ROR2: variants seen among roughly 807,000 people sequenced by gnomAD.
The protein encoded by ROR2 is tyrosine-protein kinase transmembrane receptor ROR2.
Under a neutral mutation model 74.9 loss-of-function variants are expected in ROR2, and 33 were observed. The observed-to-expected ratio is 0.44, with a 90% confidence interval of 0.33 to 0.59. ROR2 has a LOEUF of 0.59. ROR2 is among the 20% of genes least tolerant of loss of function. The pLI, the probability that ROR2 is intolerant of heterozygous loss-of-function variation, is 0.02. For synonymous variants in ROR2, 586 were observed against 558.7 expected (o/e 1.05, Z -0.69); for missense variants, 1,216 against 1,313.8 (o/e 0.93, Z 1.15).
At chr9:91,787,176 T>C (rs1826832245) in intron 1 of ROR2, among the ~76,000 whole-genome samples, 1 of 152,152 alleles carries the variant, frequency 6.6e-6, no homozygotes, top group South Asian at 2.1e-4. Flanking sequence ...TTATATACAA[T>C]TATACTGGCT....
Position 91,724,113 on chromosome 9 carries a change from G to T in ROR2, c.2381C>A (p.Pro794Gln). The T allele has an allele frequency of 6.2e-7, 1 of 1,610,782 alleles. No individual in the cohort carries two copies. ...GATGAACTGGGGCTGTGGGAAGGGC[G>T]GGGCCTTCTGCTTGGGCCCCACGTA... is the stretch of plus-strand genomic sequence containing the variant. ...ARYVGPKQKAPPFPQPQFIPM... is the reference protein window; with the variant it reads ...ARYVGPKQKAQPFPQPQFIPM... Residue 794 changes from proline (P) to glutamine (Q), a missense_variant, in exon 9 of 9, where the codon CCG (proline) becomes CAG (glutamine). Pro to Gln is a moderately conservative substitution (Grantham distance 76). Transcript: ENST00000375708.
chr9:91,759,175 G>A (rs80189775), intron 2 of ROR2, among the ~76,000 whole-genome samples: 2 of 152,136 alleles, frequency 1.3e-5, no homozygotes, highest in Admixed American at 1.3e-4. Context: ...AGTGTTGTAG[G>A]ATCCTCCAGC....
intron 4 of ROR2, among the ~76,000 whole-genome samples, chr9:91,749,313 C>A (rs1025552853): frequency 6.6e-6 from 1 of 152,192 alleles, no homozygotes; most frequent in Non-Finnish European, 1.5e-5. Flanking sequence ...ACTCTGGAGG[C>A]TGGAAGTCCA....
chr9:91,872,240 T>C (rs1829818230), intron 1 of ROR2, among the ~76,000 whole-genome samples: 1 of 152,200 alleles, frequency 6.6e-6, no homozygotes, highest in Non-Finnish European at 1.5e-5. Flanking sequence ...TAACCTGAGT[T>C]TATGTCAAAA....
chr9:91,842,829 C>A (rs1828823812), intron 1 of ROR2, among the ~76,000 whole-genome samples: 1 of 152,206 alleles, frequency 6.6e-6, no homozygotes, highest in Non-Finnish European at 1.5e-5. Flanking sequence ...ACAGGTGCCA[C>A]CTAATTCTCT....
At chr9:91,818,596 G>A (rs1034286463) in intron 1 of ROR2, among the ~76,000 whole-genome samples, 11 of 152,140 alleles carry the variant, frequency 7.2e-5, no homozygotes, top group African/African-American at 9.7e-5. Flanking sequence ...TGAGGTGGCC[G>A]AGAGGAAGCA....
intron 1 of ROR2, among the ~76,000 whole-genome samples, chr9:91,840,911 T>C (rs1394216723): frequency 1.3e-5 from 2 of 152,248 alleles, no homozygotes; most frequent in Non-Finnish European, 2.9e-5. Context: ...ATCCTATACA[T>C]GTGAGACCAT....
At chr9:91,892,022 T>C in intron 1 of ROR2, among the ~76,000 whole-genome samples, 1 of 134,722 alleles carries the variant, frequency 7.4e-6, no homozygotes, top group South Asian at 2.4e-4. Flanking sequence ...CACTCCAGGC[T>C]GGGCAACAGA....
chr9:91,737,375 G>T lies in ROR2; in HGVS notation c.622+16C>A. On this transcript the variant is annotated intron_variant, in intron 5 of 8. Coordinates refer to ENST00000375708, the MANE Select transcript of ROR2 (RefSeq NM_004560.4). Reference sequence around the variant, plus strand: ...TGCATGCTTATCATCCTGGGAGAAAGGTCTGCAGCTCCTACCTGTGATTCG... The same window carrying T: ...TGCATGCTTATCATCCTGGGAGAAATGTCTGCAGCTCCTACCTGTGATTCG... The T allele has an allele frequency of 6.2e-7, 1 of 1,614,060 alleles. No individual in the cohort carries two copies.
chr9:91,736,934 C>G (rs1825049487), intron 5 of ROR2, among the ~76,000 whole-genome samples: 1 of 152,188 alleles, frequency 6.6e-6, no homozygotes. Context: ...ACTCTTTCCC[C>G]AAAACAGCTG....
At chr9:91,945,219 A>C (rs1831984083) in intron 1 of ROR2, among the ~76,000 whole-genome samples, 1 of 152,220 alleles carries the variant, frequency 6.6e-6, no homozygotes, top group African/African-American at 2.4e-5. Context: ...GGAGGAAGTG[A>C]ATCTTTAATT....
chr9:91,753,942 G>A (rs1338801987), intron 4 of ROR2, among the ~76,000 whole-genome samples: 1 of 152,086 alleles, frequency 6.6e-6, no homozygotes, highest in Non-Finnish European at 1.5e-5. Context: ...CAATAATACT[G>A]AGTAATTTAT....
At chr9:91,819,346 G>T (rs114959330) in intron 1 of ROR2, among the ~76,000 whole-genome samples, 2,333 of 152,320 alleles carry the variant, frequency 0.015, 73 homozygotes, top group African/African-American at 0.052. Flanking sequence ...CGGGGCTACA[G>T]GCAAGGCTGT....
chr9:91,838,794 G>A (rs933017131), intron 1 of ROR2, among the ~76,000 whole-genome samples: 4 of 152,194 alleles, frequency 2.6e-5, no homozygotes, highest in Admixed American at 1.3e-4. Flanking sequence ...CAGATGTTAT[G>A]AGTTATCGTG....
chr9:91,847,388 G>T (rs1828963487), intron 1 of ROR2, among the ~76,000 whole-genome samples: 1 of 152,174 alleles, frequency 6.6e-6, no homozygotes, highest in Non-Finnish European at 1.5e-5. Context: ...TCTACTGCCA[G>T]GTCCCTCGAC....
At chr9:91,852,878 TGGCA>T (rs1829151242) in intron 1 of ROR2, among the ~76,000 whole-genome samples, 1 of 152,232 alleles carries the variant, frequency 6.6e-6, no homozygotes, top group Non-Finnish European at 1.5e-5. Context: ...ACCTTCCCAC[TGGCA>T]CAGGCCTCTG....
intron 6 of ROR2, among the ~76,000 whole-genome samples, chr9:91,732,411 C>T (rs879746518): frequency 6.6e-6 from 1 of 152,148 alleles, no homozygotes; most frequent in Non-Finnish European, 1.5e-5. Context: ...TGCTCTTCGT[C>T]CTGTGCAGAC....
chr9:91,856,684 T>G (rs1195967423), intron 1 of ROR2, among the ~76,000 whole-genome samples: 1 of 152,154 alleles, frequency 6.6e-6, no homozygotes, highest in African/African-American at 2.4e-5. Flanking sequence ...TCCAGGGCTG[T>G]GAGAGAATGA....
chr9:91,873,691 G>C (rs1485190486), intron 1 of ROR2, among the ~76,000 whole-genome samples: 2 of 152,186 alleles, frequency 1.3e-5, no homozygotes, highest in African/African-American at 4.8e-5. Flanking sequence ...AGCCACGGCA[G>C]ATGTACACAC....
Sources: gnomAD v4.1 joint callset for allele counts (sites outside exome capture counted in the v4.1 genomes callset) on GRCh38, gnomAD v4.1.1 for gene constraint, MANE v1.5 for transcripts, NCBI Gene and HGNC (gene_info 2026-07-23, HGNC 2026-07-21) for gene names.